SGCD: variants seen among roughly 807,000 people sequenced by gnomAD.
The protein encoded by SGCD is delta-sarcoglycan.
In SGCD, 18 loss-of-function variants were observed where a neutral mutation model predicts 36.6. That is an observed-to-expected ratio of 0.49 (90% CI 0.34 to 0.73). The LOEUF (loss-of-function observed/expected upper bound fraction) is 0.73. Ranked by LOEUF, SGCD falls within the 30% of genes least tolerant of loss-of-function variation. The pLI is 0.01. For missense variants in SGCD, 387 were observed against 346.7 expected, an observed-to-expected ratio of 1.12 and a Z score of -0.92; for synonymous variants, 133 against 130.6, an observed-to-expected ratio of 1.02 and a Z score of -0.12.
At chr5:156,369,502 C>A (rs185000297) in intron 3 of SGCD, among the ~76,000 whole-genome samples, 1 of 152,132 alleles carries the variant, frequency 6.6e-6, no homozygotes, top group Non-Finnish European at 1.5e-5. Context: ...ACCTGCAGGG[C>A]GTTGAATATG....
chr5:156,026,991 G>A (rs1759238245), intron 1 of SGCD, among the ~76,000 whole-genome samples: 1 of 152,164 alleles, frequency 6.6e-6, no homozygotes, highest in Admixed American at 6.5e-5. Flanking sequence ...TGGCAGGCAG[G>A]ACTTGGTCTA....
At chr5:156,168,455 G>A (rs1763263947) in intron 3 of SGCD, among the ~76,000 whole-genome samples, 1 of 152,030 alleles carries the variant, frequency 6.6e-6, no homozygotes, top group Non-Finnish European at 1.5e-5. Flanking sequence ...CTCACCTGTA[G>A]TCCCAGCTAC....
chr5:155,730,445 CTGTGTGTG>C, the SGCD span, among the ~76,000 whole-genome samples: 29 of 137,298 alleles, frequency 2.1e-4, no homozygotes, highest in Admixed American at 8.5e-4. Flanking sequence ...GGTAGAGCAG[CTGTGTGTG>C]TGTGTGTGTG....
intron 4 of SGCD, among the ~76,000 whole-genome samples, chr5:156,576,026 T>C (rs1407811409): frequency 6.6e-6 from 1 of 152,160 alleles, no homozygotes; most frequent in South Asian, 2.1e-4. Context: ...CTGCACCCAT[T>C]AACCTGTCAT....
At chr5:156,532,767 C>A (rs919726891) in intron 4 of SGCD, among the ~76,000 whole-genome samples, 3 of 151,664 alleles carry the variant, frequency 2.0e-5, no homozygotes, top group Non-Finnish European at 4.4e-5. Flanking sequence ...GCCTATCTTG[C>A]TTATTTCTTA....
intron 3 of SGCD, among the ~76,000 whole-genome samples, chr5:156,384,717 G>A (rs896024824): frequency 2.0e-5 from 3 of 152,140 alleles, no homozygotes; most frequent in African/African-American, 4.8e-5. Context: ...GATGTGATTT[G>A]GGGTAGTTTC....
intron 3 of SGCD, among the ~76,000 whole-genome samples, chr5:156,318,525 C>G (rs1192103176): frequency 1.3e-5 from 2 of 152,020 alleles, no homozygotes; most frequent in African/African-American, 2.4e-5. Context: ...CTCCTTTATT[C>G]AGTGCTTGAA....
At chr5:155,773,222 A>G in the SGCD span, among the ~76,000 whole-genome samples, 4 of 152,168 alleles carry the variant, frequency 2.6e-5, no homozygotes, top group Non-Finnish European at 4.4e-5. Flanking sequence ...TTTAAGCAGG[A>G]AGCCTGTACT....
intron 1 of SGCD, among the ~76,000 whole-genome samples, chr5:155,931,156 C>T (rs1490294640): frequency 6.6e-6 from 1 of 151,890 alleles, no homozygotes; most frequent in Non-Finnish European, 1.5e-5. Context: ...ATTTACCAAA[C>T]ACTAAAGAAA....
At chr5:155,852,856 G>C in the SGCD span, among the ~76,000 whole-genome samples, 1 of 152,044 alleles carries the variant, frequency 6.6e-6, no homozygotes, top group Non-Finnish European at 1.5e-5. Flanking sequence ...GCTTAAGGCA[G>C]AGTTGTTCAA....
intron 2 of SGCD, among the ~76,000 whole-genome samples, chr5:156,336,775 T>G (rs1176867927): frequency 6.6e-6 from 1 of 152,246 alleles, no homozygotes; most frequent in East Asian, 1.9e-4. Flanking sequence ...ATGAGAGAAT[T>G]GTTTAACTGC....
chr5:155,969,134 T>C (rs1440996259), intron 1 of SGCD, among the ~76,000 whole-genome samples: 2 of 152,152 alleles, frequency 1.3e-5, no homozygotes, highest in Admixed American at 1.3e-4. Flanking sequence ...TGTATGTATG[T>C]CTCCTTATGC....
intron 3 of SGCD, among the ~76,000 whole-genome samples, chr5:156,357,829 A>T (rs1237080201): frequency 6.6e-6 from 1 of 152,206 alleles, no homozygotes; most frequent in Non-Finnish European, 1.5e-5. Context: ...AGCTTTATTA[A>T]GTGGAGTACT....
At chr5:156,014,840 T>C (rs1758932457) in intron 1 of SGCD, among the ~76,000 whole-genome samples, 1 of 152,218 alleles carries the variant, frequency 6.6e-6, no homozygotes, top group South Asian at 2.1e-4. Context: ...GGGTGGTTAC[T>C]TTCTATAGCG....
the SGCD span, among the ~76,000 whole-genome samples, chr5:155,778,118 G>A: frequency 6.6e-6 from 1 of 152,120 alleles, no homozygotes; most frequent in Non-Finnish European, 1.5e-5. Context: ...GATGTCAAAA[G>A]GGCATTTTTT....
intron 4 of SGCD, among the ~76,000 whole-genome samples, chr5:156,510,973 A>C (rs1195736454): frequency 6.6e-6 from 1 of 152,194 alleles, no homozygotes; most frequent in Non-Finnish European, 1.5e-5. Flanking sequence ...CTCTCTGGAA[A>C]TTGACAGACA....
chr5:156,141,278 C>T (rs988361117), intron 3 of SGCD, among the ~76,000 whole-genome samples: 15 of 150,912 alleles, frequency 9.9e-5, no homozygotes, highest in Admixed American at 5.2e-4. Flanking sequence ...AACACGAGAC[C>T]GGGTCACCAC....
chr5:156,384,789 A>G (rs1035026204), intron 3 of SGCD, among the ~76,000 whole-genome samples: 2 of 152,190 alleles, frequency 1.3e-5, no homozygotes, highest in Non-Finnish European at 2.9e-5. Context: ...CTATGAAGAC[A>G]AATTGTGCCT....
At chr5:156,735,703 T>A (rs1260682821) in intron 7 of SGCD, among the ~76,000 whole-genome samples, 1 of 152,128 alleles carries the variant, frequency 6.6e-6, no homozygotes, top group African/African-American at 2.4e-5. Context: ...TCTTATCCTG[T>A]GAGGTGCCAT....
Sources: allele counts gnomAD v4.1 joint callset (sites outside exome capture counted in the v4.1 genomes callset), GRCh38; gene constraint gnomAD v4.1.1; transcripts MANE v1.5; gene names NCBI Gene and HGNC (gene_info 2026-07-23, HGNC 2026-07-21).